ZNF101: variants seen among roughly 807,000 people sequenced by gnomAD.
The protein encoded by ZNF101 is zinc finger protein 101, also known as zinc finger protein 101 (Y2).
In ZNF101, 34 loss-of-function variants were observed where a neutral mutation model predicts 42.6. The ratio of observed to expected loss-of-function variants is 0.80; its 90% CI spans 0.61 to 1.06. ZNF101 has a LOEUF of 1.06. ZNF101 is among the 50% of genes least tolerant of loss of function. ZNF101 has a pLI of 0.00. For missense variants in ZNF101, 466 were observed against 530.9 expected (o/e 0.88, Z 1.20); for synonymous variants, 158 against 183.9 (o/e 0.86, Z 1.14).
Position 19,679,647 on chromosome 19 carries a change from A to G in ZNF101, c.658A>G (p.Thr220Ala). ...CTTTCGAAAACATGGAAAAATGCAT[A>G]CTGGAGAAAAACGCTATGAATGTAA... is the stretch of plus-strand genomic sequence containing the variant. ...SFFRKHGKMH[T>A]GEKRYECKYC... is the part of the protein sequence containing the mutation. Residue 220 changes from threonine (T) to alanine (A), a missense_variant, in exon 4 of 4, where the codon ACT becomes GCT. By Grantham distance (58) the Thr-to-Ala change is moderately conservative. Coordinates refer to ENST00000592502, the MANE Select transcript of ZNF101 (RefSeq NM_033204.4). The G allele has an allele frequency of 6.2e-7, 1 of 1,613,496 alleles. No homozygotes were observed. The highest frequency in any genetic ancestry group is 2.2e-5 in the East Asian group (1 of 44,890).
rs1161563018 is a variant in ZNF101 at position 19,682,481 on chromosome 19, A to G, written c.*2181A>G. 6.6e-6 allele frequency: 1 copy of G among 152,134 alleles called. No individual in the cohort carries two copies. The highest frequency in any genetic ancestry group is 1.5e-5 in the Non-Finnish European group (1 of 68,018). The allele number at this position is 152,134 out of a possible 1,614,324, so 9.4% of individuals were successfully genotyped here. A position where few individuals can be genotyped will look rare whatever the true frequency, so the allele number is the denominator to read the frequency against. ...AGGAATCCATCCTCTTCAGCCTCGC[A>G]AAGTGCTGAGATTATAGGCATGAGA... On this transcript the variant is annotated 3_prime_UTR_variant, in exon 4 of 4. Transcript: ENST00000592502.
chr19:19,668,822 T>C (rs2062149632), upstream of ZNF101: 1 of 1,128,352 alleles, frequency 8.9e-7, no homozygotes, highest in African/African-American at 1.6e-5. Context: ...AGCGGTCTCA[T>C]TTCCCGCCGG....
intron 1 of ZNF101, among the ~76,000 whole-genome samples, chr19:19,672,778 C>T (rs887798431): frequency 2.6e-5 from 4 of 152,008 alleles, no homozygotes; most frequent in African/African-American, 9.7e-5. Flanking sequence ...CCTCCCACTT[C>T]GACCTCCCAA....
At chr19:19,670,841 C>A (rs749331778) in intron 1 of ZNF101, among the ~76,000 whole-genome samples, 2 of 152,056 alleles carry the variant, frequency 1.3e-5, no homozygotes, top group Non-Finnish European at 1.5e-5. Flanking sequence ...CGCGATGGCT[C>A]ACGCCTGTAA....
Position 19,668,887 on chromosome 19 carries a change from A to G in ZNF101, c.-77A>G, listed in dbSNP as rs570419367. ...TCGGGGAGCCCCTGGTGCCCCGGATACGGCTGATTTTGTCGTGTGGGACCT... is the reference window on the plus strand; with the variant it reads ...TCGGGGAGCCCCTGGTGCCCCGGATGCGGCTGATTTTGTCGTGTGGGACCT... On this transcript the variant is annotated 5_prime_UTR_variant, in exon 1 of 4. In the 5' UTR this introduces an upstream ATG that the reference lacks. Coordinates refer to ENST00000592502, the MANE Select transcript of ZNF101 (RefSeq NM_033204.4). 1.9e-5 allele frequency: 29 copies of G among 1,504,160 alleles called. No homozygotes were observed. In the South Asian group the frequency reaches 3.6e-4, roughly 19 times the overall value. The allele number at this position is 1,504,160 out of a possible 1,614,324, so 93.2% of individuals were successfully genotyped here. A position where few individuals can be genotyped will look rare whatever the true frequency, so the allele number is the denominator to read the frequency against.
At chr19:19,676,438 T>C (rs191866199) in intron 1 of ZNF101, 1 of 152,190 alleles carries the variant, frequency 6.6e-6, no homozygotes, top group Admixed American at 6.6e-5. Context: ...ACTCTTCTTT[T>C]TCCTTGATCT....
Position 19,681,955 on chromosome 19 carries a change from C to CACT in ZNF101, c.*1655_*1656insACT, listed in dbSNP as rs2062242422. Reference sequence around the variant, plus strand: ...TTTTTTTTTTTGAGATGGAGTTTTGCCCTGTCGCCCAGGCTGGAGTGCAGT... The same window carrying CACT: ...TTTTTTTTTTTGAGATGGAGTTTTGCACTCCTGTCGCCCAGGCTGGAGTGCAGT... On this transcript the variant is annotated 3_prime_UTR_variant, in exon 4 of 4. Transcript: ENST00000592502. 1 of 124,544 alleles carries CACT rather than the reference C, an allele frequency of 8.0e-6. No individual in the cohort carries two copies. The highest frequency in any genetic ancestry group is 3.1e-5 in the African/African-American group (1 of 32,704). 7.7% of individuals were successfully genotyped at this position (124,544 alleles called of 1,614,324 possible). A position where few individuals can be genotyped will look rare whatever the true frequency, so the allele number is the denominator to read the frequency against.
At chr19:19,669,056 TGG>T in intron 1 of ZNF101, 90 bp downstream of exon 1, 1 of 1,492,994 alleles carries the variant, frequency 6.7e-7, no homozygotes, top group Admixed American at 2.0e-5. Context: ...GCGGCGACTG[TGG>T]GGGTCTGGGA....
Position 19,679,595 on chromosome 19 carries a change from A to G in ZNF101, c.606A>G (p.Ile202Met), listed in dbSNP as rs1203944110. 6 of 1,613,658 alleles carry G rather than the reference A, an allele frequency of 3.7e-6. No individual in the cohort carries two copies. The highest frequency in any genetic ancestry group is 5.1e-6 in the Non-Finnish European group (6 of 1,179,834). The change falls in exon 4 of 4, where the codon ATA (isoleucine) becomes ATG (methionine). Residue 202 changes from isoleucine to methionine, a missense_variant. Transcript: ENST00000592502. ...AGAGGTCCTATAAATGTAGGGAAAT[A>G]GTGAGAGCCTTCACAGTTTCCAGTT... The part of the protein sequence containing the change: ...TGKRSYKCRE[I>M]VRAFTVSSFF...
At chr19:19,673,248 CTT>C (rs34694853) in intron 1 of ZNF101, among the ~76,000 whole-genome samples, 15 of 116,108 alleles carry the variant, frequency 1.3e-4, no homozygotes, top group Admixed American at 9.5e-5. Flanking sequence ...AATGTGCTGG[CTT>C]TTTTTTTTTT....
rs1485115172 is a variant in ZNF101, at chr19:19,679,604, CTTCACAG to C, written c.618_624del (p.Thr207ProfsTer178). 6.2e-7 allele frequency: 1 copy of C among 1,613,318 alleles called. No homozygotes were observed. The highest frequency in any genetic ancestry group is 1.7e-5 in the Admixed American group (1 of 59,902). ...ATAAATGTAGGGAAATAGTGAGAGC[CTTCACAG>C]TTTCCAGTTTCTTTCGAAAACATGG... is the stretch of plus-strand genomic sequence containing the variant. On this transcript the variant is annotated frameshift_variant, in exon 4 of 4. Transcript: ENST00000592502. LOFTEE classifies it high-confidence loss of function.
At chr19:19,674,178 A>G (rs1363280548) in intron 1 of ZNF101, among the ~76,000 whole-genome samples, 1 of 152,036 alleles carries the variant, frequency 6.6e-6, no homozygotes, top group Non-Finnish European at 1.5e-5. Context: ...ATATAAATGT[A>G]GCTGACTTTT....
chr19:19,677,279 G>A (rs1406388580), intron 1 of ZNF101: 2 of 152,438 alleles, frequency 1.3e-5, no homozygotes, highest in African/African-American at 4.8e-5. Context: ...TGCCCAGAGT[G>A]TTTTTCTGGG....
At position 19,679,422 on chromosome 19, in the gene ZNF101, C is replaced by A; in HGVS notation, c.433C>A (p.Gln145Lys). 6.2e-7 allele frequency: 1 copy of A among 1,613,960 alleles called. No individual in the cohort carries two copies. Among genetic ancestry groups the A allele is most frequent in the Non-Finnish European group, 8.5e-7 (1 of 1,179,928 alleles). The part of the protein sequence containing the change: ...EWRETPRKQK[Q>K]HGKASISPSS... ...GAGAGAGACGCCCCGTAAACAGAAA[C>A]AACATGGGAAAGCCTCCATTTCCCC... Residue 145 changes from glutamine (Q) to lysine (K), a missense_variant, in exon 4 of 4, where the codon CAA becomes AAA. Gln to Lys is a moderately conservative substitution (Grantham distance 53, BLOSUM62 1). Transcript: ENST00000592502.
chr19:19,672,650 C>G (rs1644059579), intron 1 of ZNF101, among the ~76,000 whole-genome samples: 1 of 151,974 alleles, frequency 6.6e-6, no homozygotes, highest in African/African-American at 2.4e-5. Flanking sequence ...CTCAGCCTCC[C>G]AAGTACCTGG....
At chr19:19,674,601 T>C (rs2062190997) in intron 1 of ZNF101, among the ~76,000 whole-genome samples, 2 of 152,222 alleles carry the variant, frequency 1.3e-5, no homozygotes, top group African/African-American at 2.4e-5. Context: ...ATTTTTTGCA[T>C]TGATATTCAT....
At chr19:19,670,939 A>G (rs1408448378) in intron 1 of ZNF101, among the ~76,000 whole-genome samples, 4 of 152,122 alleles carry the variant, frequency 2.6e-5, no homozygotes, top group Non-Finnish European at 5.9e-5. Context: ...CCCCGTCTCT[A>G]CTAAAAATAC....
chr19:19,679,564 C>T lies in ZNF101; in HGVS notation c.575C>T (p.Thr192Ile). Residue 192 changes from threonine to isoleucine, a missense_variant, in exon 4 of 4, where the codon ACT (threonine) becomes ATT (isoleucine). Thr to Ile is a moderately conservative substitution (Grantham distance 89). Coordinates refer to ENST00000592502, the MANE Select transcript of ZNF101 (RefSeq NM_033204.4). ...TTTCAAATCCATCAAAGAACTCACA[C>T]TGGAAAGAGGTCCTATAAATGTAGG... ...NLFQIHQRTHTGKRSYKCREI... is the reference protein window; with the variant it reads ...NLFQIHQRTHIGKRSYKCREI... 6.2e-7 allele frequency: 1 copy of T among 1,614,192 alleles called. No individual in the cohort carries two copies. The highest frequency in any genetic ancestry group is 8.5e-7 in the Non-Finnish European group (1 of 1,180,038).
intron 1 of ZNF101, among the ~76,000 whole-genome samples, chr19:19,673,132 G>T (rs2145047346): frequency 6.7e-6 from 1 of 149,978 alleles, no homozygotes; most frequent in Middle Eastern, 3.5e-3. Context: ...TGTATTCTTA[G>T]TAGAGATGGG....
Sources: allele counts gnomAD v4.1 joint callset (sites outside exome capture counted in the v4.1 genomes callset), GRCh38; gene constraint gnomAD v4.1.1; transcripts MANE v1.5; gene names NCBI Gene and HGNC (gene_info 2026-07-23, HGNC 2026-07-21).